Variants in CUL3 observed in about 807,000 individuals in gnomAD.
The protein encoded by CUL3 is cullin-3.
CUL3 carries 19 observed loss-of-function variants against 89.1 expected under a neutral mutation model. That is an observed-to-expected ratio of 0.21 (90% CI 0.15 to 0.31). The LOEUF (loss-of-function observed/expected upper bound fraction) is 0.31, where lower values mean the gene tolerates loss of function less well. Among genes scored for constraint, CUL3 ranks in the 10% least tolerant of loss-of-function variants. CUL3 has a pLI of 1.00. For synonymous variants in CUL3, 351 were observed against 308.4 expected (o/e 1.14, Z -1.45); for missense variants, 469 against 942.3 (o/e 0.50, Z 6.58).
At chr2:224,541,178 C>T (rs544121440) in intron 2 of CUL3, among the ~76,000 whole-genome samples, 1 of 147,856 alleles carries the variant, frequency 6.8e-6, no homozygotes, top group Non-Finnish European at 1.5e-5. Flanking sequence ...AGAGAAGCTA[C>T]AGAATAGGAG....
At chr2:224,498,664 C>T (rs1232373568) in intron 11 of CUL3, among the ~76,000 whole-genome samples, 4 of 152,100 alleles carry the variant, frequency 2.6e-5, no homozygotes, top group Admixed American at 2.6e-4. Context: ...GTGTGCATGT[C>T]TAAAGTGTTA....
chr2:224,537,069 A>G (rs2106267102), intron 2 of CUL3, among the ~76,000 whole-genome samples: 1 of 152,326 alleles, frequency 6.6e-6, no homozygotes, highest in South Asian at 2.1e-4. Context: ...GATTGGGAAA[A>G]AGCTGAAGTC....
Position 224,513,644 on chromosome 2 carries a change from G to A in CUL3, c.540-6C>T, listed in dbSNP as rs771706028. 23 of 1,546,396 alleles carry A rather than the reference G, an allele frequency of 1.5e-5. No individual in the cohort carries two copies. Among genetic ancestry groups the A allele is most frequent in the Middle Eastern group, 3.5e-4 (2 of 5,724 alleles). Reference sequence around the variant, plus strand: ...AAGCATTTCTTATTGCGCCTCTGTCGAAAAAAGTTATTATCACTTGATAAT... The same window carrying A: ...AAGCATTTCTTATTGCGCCTCTGTCAAAAAAAGTTATTATCACTTGATAAT... On this transcript the variant is annotated splice_polypyrimidine_tract_variant and splice_region_variant and intron_variant, in intron 4 of 15. Transcript: ENST00000264414.
chr2:224,497,727 A>C (rs1219037587), intron 12 of CUL3, 26 bp downstream of exon 12: 1 of 1,542,266 alleles, frequency 6.5e-7, no homozygotes, highest in Non-Finnish European at 9.0e-7. Context: ...TAAGTTACTT[A>C]ATACGTTCAA....
At chr2:224,562,219 A>C (rs1694923808) in intron 1 of CUL3, among the ~76,000 whole-genome samples, 1 of 152,194 alleles carries the variant, frequency 6.6e-6, no homozygotes, top group Non-Finnish European at 1.5e-5. Flanking sequence ...GTTTTACTAC[A>C]CAAGGTTGTA....
chr2:224,580,309 A>C (rs1317507323), intron 1 of CUL3, among the ~76,000 whole-genome samples: 2 of 152,236 alleles, frequency 1.3e-5, no homozygotes, highest in Non-Finnish European at 2.9e-5. Context: ...TTCTAGGAAA[A>C]GGTCTATTTA....
At chr2:224,540,389 A>G (rs944523648) in intron 2 of CUL3, among the ~76,000 whole-genome samples, 2 of 151,788 alleles carry the variant, frequency 1.3e-5, no homozygotes, top group Non-Finnish European at 2.9e-5. Context: ...GGCTCTAAAA[A>G]CCAAACTTTA....
Position 224,511,587 on chromosome 2 carries a change from C to A in CUL3, c.655-5G>T, listed in dbSNP as rs1417904107. 2 of 1,476,420 alleles carry A rather than the reference C, an allele frequency of 1.4e-6. No homozygotes were observed. The highest frequency in any genetic ancestry group is 2.5e-5 in the South Asian group (2 of 78,610). 91.5% of individuals were successfully genotyped at this position (1,476,420 alleles called of 1,614,324 possible). A position where few individuals can be genotyped will look rare whatever the true frequency, so the allele number is the denominator to read the frequency against. On this transcript the variant is annotated splice_region_variant and splice_polypyrimidine_tract_variant and intron_variant, in intron 5 of 15. Transcript: ENST00000264414. ...TAAAAATTTCTGGCTTTCCATCTGCCATTTAAAAATATATATATTTTTTAA... is the reference window on the plus strand; with the variant it reads ...TAAAAATTTCTGGCTTTCCATCTGCAATTTAAAAATATATATATTTTTTAA...
rs2106203406 is a variant in CUL3, at chr2:224,506,059, T to A, written c.1103A>T (p.Gln368Leu). The change falls in exon 8 of 16, where the codon CAA becomes CTA. Residue 368 changes from glutamine (Q) to leucine (L), a missense_variant. Gln to Leu is a moderately radical substitution (Grantham distance 113). Coordinates refer to ENST00000264414, the MANE Select transcript of CUL3 (RefSeq NM_003590.5). ...ESFNNDRLFKQTIAGDFEYFL... is the reference protein window; with the variant it reads ...ESFNNDRLFKLTIAGDFEYFL... Reference sequence around the variant, plus strand: ...ATACTCAAAGTCACCCGCAATAGTTTGTTTAAAGAGACGGTCATTGTTGAA... The same window carrying A: ...ATACTCAAAGTCACCCGCAATAGTTAGTTTAAAGAGACGGTCATTGTTGAA... 1 of 1,612,992 alleles carries A rather than the reference T, an allele frequency of 6.2e-7. No homozygotes were observed. The highest frequency in any genetic ancestry group is 1.1e-5 in the South Asian group (1 of 90,898).
At chr2:224,504,099 G>A (rs1692498029) in intron 8 of CUL3, 2 of 262,736 alleles carry the variant, frequency 7.6e-6, no homozygotes, top group Admixed American at 1.0e-4. Context: ...ATATAGCGCT[G>A]GGTTAAGGGA....
intron 14 of CUL3, chr2:224,478,937 T>C (rs1249442165): frequency 2.6e-5 from 4 of 152,330 alleles, no homozygotes; most frequent in African/African-American, 9.6e-5. Context: ...TCATATATTT[T>C]ATTATGCTTT....
intron 2 of CUL3, among the ~76,000 whole-genome samples, chr2:224,545,898 T>C (rs139400831): frequency 2.6e-5 from 4 of 152,336 alleles, no homozygotes; most frequent in African/African-American, 9.6e-5. Context: ...AAGCAAATAC[T>C]ATTTTAAAAA....
At chr2:224,507,547 C>T (rs772929975) in intron 6 of CUL3, among the ~76,000 whole-genome samples, 6 of 152,134 alleles carry the variant, frequency 3.9e-5, no homozygotes, top group Non-Finnish European at 8.8e-5. Context: ...TACTTCATTA[C>T]ACCTCAGGTA....
intron 1 of CUL3, among the ~76,000 whole-genome samples, chr2:224,582,823 C>A (rs1461411055): frequency 6.6e-6 from 1 of 152,140 alleles, no homozygotes; most frequent in Non-Finnish European, 1.5e-5. Flanking sequence ...CTGACAGACC[C>A]CCAGAACAGT....
intron 1 of CUL3, among the ~76,000 whole-genome samples, chr2:224,559,805 G>A (rs1465108035): frequency 6.6e-6 from 1 of 152,180 alleles, no homozygotes; most frequent in African/African-American, 2.4e-5. Context: ...AATTTGGCAA[G>A]GCATGGTGCC....
chr2:224,524,067 A>G (rs1693374444), intron 3 of CUL3, among the ~76,000 whole-genome samples: 1 of 152,172 alleles, frequency 6.6e-6, no homozygotes, highest in Non-Finnish European at 1.5e-5. Flanking sequence ...GGTAAATTTT[A>G]TATGTATTTG....
chr2:224,557,647 A>G lies in CUL3; in HGVS notation c.264+12T>C, dbSNP rs746111813. ...AATATAGTATTAGCAACAGTCCTTT[A>G]AAGTTTGATACCTTATTTATGAGAT... On this transcript the variant is annotated intron_variant, in intron 2 of 15. Transcript: ENST00000264414. The G allele has an allele frequency of 1.5e-5, 24 of 1,575,808 alleles. No homozygotes were observed. In the South Asian group the frequency reaches 1.9e-4, roughly 12 times the overall value.
chr2:224,554,978 T>C (rs1384406803), intron 2 of CUL3, among the ~76,000 whole-genome samples: 2 of 152,208 alleles, frequency 1.3e-5, no homozygotes, highest in African/African-American at 4.8e-5. Flanking sequence ...ATTCATCCCT[T>C]GGCTCTGGGC....
chr2:224,507,698 G>C (rs1196374203), intron 6 of CUL3, among the ~76,000 whole-genome samples: 1 of 152,008 alleles, frequency 6.6e-6, no homozygotes, highest in Non-Finnish European at 1.5e-5. Flanking sequence ...TTTAAATTTA[G>C]AATGAAAACT....
Sources: allele counts gnomAD v4.1 joint callset (sites outside exome capture counted in the v4.1 genomes callset), GRCh38; gene constraint gnomAD v4.1.1; transcripts MANE v1.5; gene names NCBI Gene and HGNC (gene_info 2026-07-23, HGNC 2026-07-21).